Variants in YIPF6 observed in about 807,000 individuals in gnomAD.
YIPF6 encodes Yip1 domain family member 6.
YIPF6 carries 3 observed loss-of-function variants against 16.8 expected under a neutral mutation model. The ratio of observed to expected loss-of-function variants is 0.18; its 90% CI spans 0.08 to 0.46. The LOEUF (loss-of-function observed/expected upper bound fraction) is 0.46. YIPF6 is among the 20% of genes least tolerant of loss of function. YIPF6 has a pLI of 0.98. For synonymous variants in YIPF6, 67 were observed against 61.9 expected (o/e 1.08, Z -0.38); for missense variants, 145 against 184.9 (o/e 0.78, Z 1.25).
intron 6 of YIPF6, among the ~76,000 whole-genome samples, chrX:68,524,494 T>C (rs1313215654): frequency 9.2e-6 from 1 of 108,672 alleles, no homozygotes; most frequent in Non-Finnish European, 1.9e-5. Flanking sequence ...TTTATTTATT[T>C]GGCTAAAAAT....
At chrX:68,505,756 AT>A (rs899231953) in intron 1 of YIPF6, among the ~76,000 whole-genome samples, 3 of 111,562 alleles carry the variant, frequency 2.7e-5, no homozygotes, top group Non-Finnish European at 5.7e-5. Context: ...GTCTCACCAC[AT>A]TTTTTTTGGC....
At chrX:68,513,483 C>A in intron 3 of YIPF6, 78 bp downstream of exon 3, 1 of 615,145 alleles carries the variant, frequency 1.6e-6, no homozygotes, top group Non-Finnish European at 2.3e-6. Flanking sequence ...AAGGCAAAGT[C>A]TCTGTGGTAA....
At chrX:68,520,467 TTTTA>T (rs1432273658) in intron 4 of YIPF6, among the ~76,000 whole-genome samples, 1 of 111,673 alleles carries the variant, frequency 9.0e-6, no homozygotes, top group Non-Finnish European at 1.9e-5. Context: ...CTGTTTCCAT[TTTTA>T]TTTATTATTT....
At chrX:68,514,812 T>A (rs372671373) in intron 3 of YIPF6, 2 of 112,938 alleles carry the variant, frequency 1.8e-5, no homozygotes, top group Admixed American at 9.4e-5. Context: ...GTCTGATGAC[T>A]GCTTTCTTTA....
At chrX:68,531,602 G>A (rs1053698708) in intron 6 of YIPF6, among the ~76,000 whole-genome samples, 8 of 112,219 alleles carry the variant, frequency 7.1e-5, no homozygotes, top group African/African-American at 2.6e-4. Flanking sequence ...AGCCTTTTCA[G>A]TACAGTTCAA....
chrX:68,516,847 G>A (rs1466649376), intron 3 of YIPF6, among the ~76,000 whole-genome samples: 3 of 110,979 alleles, frequency 2.7e-5, no homozygotes, highest in East Asian at 2.8e-4. Context: ...GTCTTGCTCT[G>A]TCACCCAGGC....
intron 6 of YIPF6, among the ~76,000 whole-genome samples, chrX:68,526,620 T>C (rs1192932913): frequency 1.8e-5 from 2 of 111,713 alleles, no homozygotes; most frequent in Non-Finnish European, 3.8e-5. Flanking sequence ...TTGTCATAAA[T>C]AGCTCTTATT....
In YIPF6 at chrX:68,536,654, G is replaced by A. The variant is rs751223617; in HGVS notation, c.*4655G>A. The A allele has an allele frequency of 9.0e-6, 1 of 111,613 alleles. No homozygotes were observed. The highest frequency in any genetic ancestry group is 3.8e-4 in the South Asian group (1 of 2,647). 9.2% of individuals were successfully genotyped at this position (111,613 alleles called of 1,213,427 possible). The stretch of plus-strand genomic sequence containing the variant: ...CTTTGTACCCTAGAACTGACTGGAT[G>A]TAGATAACATTTGTTTTCAGAGTAA... On this transcript the variant is annotated 3_prime_UTR_variant, in exon 7 of 7. Transcript: ENST00000462683.
chrX:68,524,288 C>A (rs918724703), intron 6 of YIPF6, among the ~76,000 whole-genome samples: 1 of 110,099 alleles, frequency 9.1e-6, no homozygotes, highest in Non-Finnish European at 1.9e-5. Context: ...CCTGCCTCAG[C>A]CTCCCGAGTA....
Position 68,534,137 on chromosome X carries a change from C to T in YIPF6, c.*2138C>T, listed in dbSNP as rs940479072. The T allele has an allele frequency of 7.1e-5, 8 of 112,080 alleles. No individual in the cohort carries two copies. The highest frequency in any genetic ancestry group is 2.3e-4 in the African/African-American group (7 of 30,865). The allele number at this position is 112,080 out of a possible 1,213,427, so 9.2% of individuals were successfully genotyped here. A position where few individuals can be genotyped will look rare whatever the true frequency, so the allele number is the denominator to read the frequency against. On this transcript the variant is annotated 3_prime_UTR_variant, in exon 7 of 7. Coordinates refer to ENST00000462683, the MANE Select transcript of YIPF6 (RefSeq NM_173834.4). ...GATTTAACCTTCTTTCTGTTTGCCC[C>T]GAGAATACTCGCCAGTGGCGCTTGC...
intron 6 of YIPF6, among the ~76,000 whole-genome samples, chrX:68,526,075 C>A (rs1017454727): frequency 3.6e-5 from 4 of 111,662 alleles, no homozygotes; most frequent in Admixed American, 2.9e-4. Flanking sequence ...TTACTTTGGG[C>A]AGTATGGCCA....
At chrX:68,505,884 AC>A (rs1385101543) in intron 1 of YIPF6, among the ~76,000 whole-genome samples, 1 of 111,898 alleles carries the variant, frequency 8.9e-6, no homozygotes, top group Non-Finnish European at 1.9e-5. Flanking sequence ...AGCATAGTAC[AC>A]TGATAAGAAC....
At chrX:68,500,829 C>T (rs1011008164) in intron 1 of YIPF6, among the ~76,000 whole-genome samples, 9 of 111,785 alleles carry the variant, frequency 8.1e-5, no homozygotes, top group Admixed American at 5.8e-4. Flanking sequence ...TAAGTTCTAT[C>T]GTGACCTTGA....
At chrX:68,505,341 CAG>C (rs2079055721) in intron 1 of YIPF6, among the ~76,000 whole-genome samples, 1 of 111,073 alleles carries the variant, frequency 9.0e-6, no homozygotes, top group African/African-American at 3.3e-5. Context: ...ATCCAGGAAA[CAG>C]AGGTTGCAGT....
In YIPF6 at chrX:68,522,670, T is replaced by G. The variant is rs2079131531; in HGVS notation, c.435-90T>G. ...TTATGTACCAAGAAGGAGGCAACAT[T>G]CCGTTACATAGAGAAATCTATGTAA... On this transcript the variant is annotated intron_variant, in intron 5 of 6. Transcript: ENST00000462683. The G allele has an allele frequency of 4.6e-6, 4 of 872,319 alleles. No individual in the cohort carries two copies. The South Asian group carries it at 1.1e-4, about 24-fold the overall frequency. The allele number at this position is 872,319 out of a possible 1,213,427, so 71.9% of individuals were successfully genotyped here.
chrX:68,526,590 G>A (rs925722373), intron 6 of YIPF6, among the ~76,000 whole-genome samples: 2 of 111,678 alleles, frequency 1.8e-5, no homozygotes, highest in African/African-American at 6.5e-5. Context: ...TGCCCATTAA[G>A]TATGATATTG....
intron 3 of YIPF6, among the ~76,000 whole-genome samples, chrX:68,515,637 A>G (rs1315568404): frequency 9.2e-6 from 1 of 108,411 alleles, no homozygotes; most frequent in Non-Finnish European, 1.9e-5. Context: ...TGGAATATCT[A>G]CTGAAGGACC....
chrX:68,520,274 T>TA (rs1455518465), intron 4 of YIPF6, among the ~76,000 whole-genome samples: 2 of 112,666 alleles, frequency 1.8e-5, no homozygotes, highest in East Asian at 5.6e-4. Flanking sequence ...AGCTTACAGT[T>TA]ATTATTTTTC....
chrX:68,502,349 A>C (rs2079043854), intron 1 of YIPF6, among the ~76,000 whole-genome samples: 1 of 111,510 alleles, frequency 9.0e-6, no homozygotes, highest in Non-Finnish European at 1.9e-5. Context: ...TTAGATCAGT[A>C]TTTTCCAAAC....
Sources: gnomAD v4.1 joint callset for allele counts (sites outside exome capture counted in the v4.1 genomes callset) on GRCh38, gnomAD v4.1.1 for gene constraint, MANE v1.5 for transcripts, NCBI Gene and HGNC (gene_info 2026-07-23, HGNC 2026-07-21) for gene names.